The following ZNF248 variants were observed in gnomAD, a reference collection of about 807,000 sequenced individuals.
The protein encoded by ZNF248 is zinc finger protein 248, also known as KRAB protein domain.
A neutral mutation model predicts 44.3 loss-of-function variants in ZNF248; 20 were observed. The observed-to-expected ratio is 0.45, with a 90% CI of 0.32 to 0.66. The LOEUF (loss-of-function observed/expected upper bound fraction) is 0.66, where lower values mean the gene tolerates loss of function less well. ZNF248 is among the 30% of genes least tolerant of loss of function. The pLI is 0.04. For synonymous variants in ZNF248, 224 were observed against 229.0 expected (o/e 0.98, Z 0.20); for missense variants, 654 against 677.0 (o/e 0.97, Z 0.38).
At chr10:37,760,826 C>T in the ZNF248 span, among the ~76,000 whole-genome samples, 3 of 152,130 alleles carry the variant, frequency 2.0e-5, no homozygotes, top group Non-Finnish European at 4.4e-5. Flanking sequence ...CAGAGCAAGA[C>T]TCTGTCTTGG....
chr10:37,851,768 C>CAAAAAAAAA (rs57501241), intron 3 of ZNF248, among the ~76,000 whole-genome samples: 1 of 32,058 alleles, frequency 3.1e-5, no homozygotes, highest in African/African-American at 1.3e-4. Context: ...TCAGAATGAC[C>CAAAAAAAAA]AAAAAAAAAA....
intron 6 of ZNF248, among the ~76,000 whole-genome samples, chr10:37,799,758 G>A (rs1018480130): frequency 2.0e-5 from 3 of 152,188 alleles, no homozygotes; most frequent in Non-Finnish European, 4.4e-5. Context: ...AATGATAACT[G>A]TGGCATTATA....
chr10:37,797,170 G>C (rs952707798), intron 6 of ZNF248, among the ~76,000 whole-genome samples: 2 of 152,078 alleles, frequency 1.3e-5, no homozygotes, highest in African/African-American at 4.8e-5. Context: ...TTTCTTGAAA[G>C]CAATTGAAGT....
chr10:37,812,902 T>C (rs1374109990), intron 6 of ZNF248, among the ~76,000 whole-genome samples: 1 of 152,022 alleles, frequency 6.6e-6, no homozygotes, highest in Non-Finnish European at 1.5e-5. Context: ...ATAGAAGCCA[T>C]TGACCCCAAA....
intron 5 of ZNF248, among the ~76,000 whole-genome samples, chr10:37,837,107 T>G (rs1233988156): frequency 2.0e-5 from 3 of 150,082 alleles, no homozygotes; most frequent in Middle Eastern, 3.2e-3. Flanking sequence ...AAAGTGTTTG[T>G]TTTTTTTTGT....
chr10:37,824,742 C>T (rs1219876140), downstream of ZNF248, among the ~76,000 whole-genome samples: 24 of 112,490 alleles, frequency 2.1e-4, no homozygotes, highest in South Asian at 2.5e-3. Context: ...AGTGGAGCGG[C>T]GCGATCTCGG....
chr10:37,836,656 T>C (rs1350743585), intron 5 of ZNF248, among the ~76,000 whole-genome samples: 1 of 152,104 alleles, frequency 6.6e-6, no homozygotes, highest in African/African-American at 2.4e-5. Flanking sequence ...TTCGTCCTCC[T>C]TTCCTGTGTG....
At position 37,857,289 on chromosome 10, in the gene ZNF248, C is replaced by T. The variant is rs947045603; in HGVS notation, c.-230G>A. 6.6e-6 allele frequency: 1 copy of T among 152,444 alleles called. No homozygotes were observed. Among genetic ancestry groups the T allele is most frequent in the African/African-American group, 2.4e-5 (1 of 41,436 alleles). The allele number at this position is 152,444 out of a possible 1,614,324, so 9.4% of individuals were successfully genotyped here. A position where few individuals can be genotyped will look rare whatever the true frequency, so the allele number is the denominator to read the frequency against. On this transcript the variant is annotated 5_prime_UTR_variant, in exon 1 of 6. Coordinates refer to ENST00000395867, the MANE Select transcript of ZNF248 (RefSeq NM_021045.3). ...ACATAATACATAAGCGAACGCGAAA[C>T]GTGTAAATAATTACTTGGGATAGGA... is the stretch of plus-strand genomic sequence containing the variant.
the ZNF248 span, among the ~76,000 whole-genome samples, chr10:37,769,055 TC>T: frequency 6.6e-6 from 1 of 151,992 alleles, no homozygotes; most frequent in African/African-American, 2.4e-5. Flanking sequence ...ACATACACTC[TC>T]CCAAGACTAA....
chr10:37,827,322 C>T (rs1279408160), downstream of ZNF248, among the ~76,000 whole-genome samples: 1 of 152,114 alleles, frequency 6.6e-6, no homozygotes, highest in Admixed American at 6.5e-5. Flanking sequence ...GCAGGCTTAC[C>T]GGTAAGGCCC....
chr10:37,841,723 A>G (rs2058383385), intron 3 of ZNF248, among the ~76,000 whole-genome samples: 1 of 152,232 alleles, frequency 6.6e-6, no homozygotes, highest in Non-Finnish European at 1.5e-5. Flanking sequence ...CCAGGTAATC[A>G]ACAGTGATAA....
At chr10:37,777,535 C>CT (rs368150075) in intron 6 of ZNF248, among the ~76,000 whole-genome samples, 2,725 of 138,090 alleles carry the variant, frequency 0.02, 32 homozygotes, top group Middle Eastern at 0.031. Flanking sequence ...GTCTTCGACT[C>CT]TTTTTTTTTT....
intron 3 of ZNF248, among the ~76,000 whole-genome samples, chr10:37,839,496 T>G (rs1381149313): frequency 7.1e-6 from 1 of 141,290 alleles, no homozygotes; most frequent in African/African-American, 2.6e-5. Context: ...CTCTTATACA[T>G]GTATACACAA....
intron 6 of ZNF248, among the ~76,000 whole-genome samples, chr10:37,796,360 C>T (rs2049155749): frequency 6.6e-6 from 1 of 151,412 alleles, no homozygotes; most frequent in South Asian, 2.1e-4. Context: ...GGATTACAGG[C>T]ATGCACCCCT....
intron 6 of ZNF248, among the ~76,000 whole-genome samples, chr10:37,812,226 G>A (rs559412172): frequency 9.9e-5 from 15 of 152,082 alleles, no homozygotes; most frequent in African/African-American, 3.4e-4. Context: ...GACAGAGCAA[G>A]ACCCTGTCTC....
chr10:37,765,948 C>T, the ZNF248 span, among the ~76,000 whole-genome samples: 1 of 152,262 alleles, frequency 6.6e-6, no homozygotes, highest in Non-Finnish European at 1.5e-5. Context: ...AAACGGCACA[C>T]CAGGAGATTA....
At chr10:37,770,277 A>T in the ZNF248 span, among the ~76,000 whole-genome samples, 1 of 152,228 alleles carries the variant, frequency 6.6e-6, no homozygotes, top group African/African-American at 2.4e-5. Flanking sequence ...AAACTACTTT[A>T]AAGTTCATAT....
At chr10:37,767,882 T>A in the ZNF248 span, among the ~76,000 whole-genome samples, 1 of 151,970 alleles carries the variant, frequency 6.6e-6, no homozygotes, top group African/African-American at 2.4e-5. Context: ...AGGAAACCCA[T>A]CTCACGTGCA....
intron 6 of ZNF248, among the ~76,000 whole-genome samples, chr10:37,783,569 G>T (rs2047552895): frequency 6.6e-6 from 1 of 152,162 alleles, no homozygotes; most frequent in African/African-American, 2.4e-5. Flanking sequence ...TCAAGAAAGT[G>T]GAAAGAGAAG....
Sources: allele counts gnomAD v4.1 joint callset (sites outside exome capture counted in the v4.1 genomes callset), GRCh38; gene constraint gnomAD v4.1.1; transcripts MANE v1.5; gene names NCBI Gene and HGNC (gene_info 2026-07-23, HGNC 2026-07-21).